Variants in RIMS1 observed in about 807,000 individuals in gnomAD.
RIMS1 encodes regulating synaptic membrane exocytosis 1, also known as regulating synaptic membrane exocytosis protein 1.
A neutral mutation model predicts 214.1 loss-of-function variants in RIMS1; 83 were observed. The ratio of observed to expected loss-of-function variants is 0.39; its 90% confidence interval spans 0.32 to 0.47. The LOEUF (loss-of-function observed/expected upper bound fraction) is 0.47, where lower values mean the gene tolerates loss of function less well. Among genes scored for constraint, RIMS1 ranks in the 20% least tolerant of loss-of-function variants. RIMS1 has a pLI of 0.99. For synonymous variants in RIMS1, 793 were observed against 786.8 expected (o/e 1.01, Z -0.13); for missense variants, 2,050 against 2,161.8 (o/e 0.95, Z 1.03).
chr6:71,913,784 C>T (rs1157367064), intron 1 of RIMS1, among the ~76,000 whole-genome samples: 2 of 152,056 alleles, frequency 1.3e-5, no homozygotes. Context: ...GAACCTAATG[C>T]CAGCACACTT....
intron 29 of RIMS1, among the ~76,000 whole-genome samples, chr6:72,339,041 A>G (rs1387697854): frequency 1.3e-5 from 2 of 151,866 alleles, no homozygotes; most frequent in African/African-American, 2.4e-5. Context: ...TCTCAAGGAT[A>G]TCACAGTATC....
At chr6:72,379,701 T>A (rs768737215) in intron 29 of RIMS1, among the ~76,000 whole-genome samples, 1 of 152,250 alleles carries the variant, frequency 6.6e-6, no homozygotes, top group Non-Finnish European at 1.5e-5. Context: ...TCTCGTTTAA[T>A]ACTCAACCCT....
intron 2 of RIMS1, among the ~76,000 whole-genome samples, chr6:72,069,107 G>A (rs1319850311): frequency 6.6e-6 from 1 of 152,144 alleles, no homozygotes; most frequent in Non-Finnish European, 1.5e-5. Flanking sequence ...GGTTGTAACA[G>A]CTAAGGAAGT....
intron 6 of RIMS1, among the ~76,000 whole-genome samples, chr6:72,195,703 T>G (rs935605916): frequency 2.0e-5 from 3 of 152,114 alleles, no homozygotes; most frequent in Non-Finnish European, 4.4e-5. Flanking sequence ...TTCAGCAGTA[T>G]AATGCATACT....
intron 4 of RIMS1, among the ~76,000 whole-genome samples, chr6:72,169,582 C>G (rs2046742775): frequency 6.6e-6 from 1 of 152,068 alleles, no homozygotes; most frequent in African/African-American, 2.4e-5. Context: ...ATTTTATTCT[C>G]AATCAACAAC....
chr6:72,196,763 G>A (rs1237202346), intron 6 of RIMS1, among the ~76,000 whole-genome samples: 1 of 151,686 alleles, frequency 6.6e-6, no homozygotes, highest in Non-Finnish European at 1.5e-5. Flanking sequence ...AGATGGAAAG[G>A]CGAATATAGC....
At chr6:72,375,291 C>A (rs1291156759) in intron 29 of RIMS1, among the ~76,000 whole-genome samples, 1 of 152,200 alleles carries the variant, frequency 6.6e-6, no homozygotes, top group Non-Finnish European at 1.5e-5. Context: ...ATTTTTATCT[C>A]TCTTCTTACA....
intron 8 of RIMS1, among the ~76,000 whole-genome samples, chr6:72,237,382 CA>C (rs1388412823): frequency 1.3e-5 from 2 of 151,994 alleles, no homozygotes; most frequent in Non-Finnish European, 2.9e-5. Context: ...CTACTTTAAT[CA>C]AAAATGTAGG....
intron 2 of RIMS1, among the ~76,000 whole-genome samples, chr6:72,066,755 A>T (rs1418652668): frequency 6.6e-6 from 1 of 152,162 alleles, no homozygotes; most frequent in Non-Finnish European, 1.5e-5. Flanking sequence ...TCATTCAAAT[A>T]TCTAATAGGC....
At chr6:72,091,564 G>A (rs1836237884) in intron 2 of RIMS1, among the ~76,000 whole-genome samples, 1 of 151,836 alleles carries the variant, frequency 6.6e-6, no homozygotes, top group African/African-American at 2.4e-5. Flanking sequence ...TAGTTTTTTA[G>A]GCATTCATCT....
At chr6:72,145,003 G>C (rs2042554415) in intron 4 of RIMS1, among the ~76,000 whole-genome samples, 1 of 151,706 alleles carries the variant, frequency 6.6e-6, no homozygotes, top group African/African-American at 2.4e-5. Flanking sequence ...TCCTGCCTCA[G>C]CCTCCTGAGT....
rs61651151 is a variant in RIMS1, at chr6:72,196,580, C to CTTTTTTTTTTTTTTTTTTTTTTTTTTTTT, written c.1678+13454_1678+13455insTTTTTTTTTTTTTTTTTTTTTTTTTTTTT. Among the ~76,000 whole-genome samples, 3 of 57,214 alleles carry CTTTTTTTTTTTTTTTTTTTTTTTTTTTTT rather than the reference C, an allele frequency of 5.2e-5. 1 individual carries two copies. Among genetic ancestry groups the CTTTTTTTTTTTTTTTTTTTTTTTTTTTTT allele is most frequent in the African/African-American group, 2.4e-4 (3 of 12,658 alleles). The allele number at this position is 57,214 out of a possible 152,430, so 37.5% of individuals were successfully genotyped here. A position where few individuals can be genotyped will look rare whatever the true frequency, so the allele number is the denominator to read the frequency against. The stretch of plus-strand genomic sequence containing the variant: ...AGTACTGTGCTGGCAGCCAGCTGCA[C>CTTTTTTTTTTTTTTTTTTTTTTTTTTTTT]TTTTTTTTTTTTTTTTTTTTTTTAC... On this transcript the variant is annotated intron_variant, in intron 6 of 33. Transcript: ENST00000521978.
At chr6:72,006,230 T>C (rs1252140521) in intron 2 of RIMS1, among the ~76,000 whole-genome samples, 3 of 152,190 alleles carry the variant, frequency 2.0e-5, no homozygotes, top group Non-Finnish European at 4.4e-5. Flanking sequence ...CTATTGGGGA[T>C]TAATATTTCA....
intron 4 of RIMS1, among the ~76,000 whole-genome samples, chr6:72,119,001 G>A (rs2037660788): frequency 6.6e-6 from 1 of 151,444 alleles, no homozygotes; most frequent in African/African-American, 2.4e-5. Flanking sequence ...AAGAAATAAA[G>A]GACATCCAAA....
At position 72,284,113 on chromosome 6, in the gene RIMS1, A is replaced by G. The variant is rs372755123; in HGVS notation, c.3549A>G (p.Ala1183=). The G allele has an allele frequency of 6.2e-7, 1 of 1,612,834 alleles. No homozygotes were observed. Among genetic ancestry groups the G allele is most frequent in the African/African-American group, 1.3e-5 (1 of 74,908 alleles). ...CTAGGAAAGGCACTGCCTCTGATGC[A>G]GAAAGGTAGGCTTGGTGTTGTGGTG... ...KQTRKGTASD[A]ERVLPTCLSR... The change falls in exon 24 of 34, where the codon GCA becomes GCG. Residue 1183 remains alanine (A), a synonymous_variant. Coordinates refer to ENST00000521978, the MANE Select transcript of RIMS1 (RefSeq NM_014989.7).
chr6:71,920,429 C>G (rs1162149238), intron 1 of RIMS1, among the ~76,000 whole-genome samples: 2 of 152,082 alleles, frequency 1.3e-5, no homozygotes, highest in African/African-American at 2.4e-5. Context: ...ATCTTTATAA[C>G]TTTTTCGTAA....
chr6:72,003,166 G>A (rs1223242430), intron 2 of RIMS1, among the ~76,000 whole-genome samples: 2 of 152,152 alleles, frequency 1.3e-5, no homozygotes, highest in Non-Finnish European at 2.9e-5. Context: ...GATAGGTTGG[G>A]TATAGAGGGA....
At chr6:72,300,358 C>A (rs1310010890) in intron 26 of RIMS1, among the ~76,000 whole-genome samples, 1 of 151,742 alleles carries the variant, frequency 6.6e-6, no homozygotes, top group Non-Finnish European at 1.5e-5. Flanking sequence ...TGTATTTTCT[C>A]TAAAGTTGTA....
intron 27 of RIMS1, 104 bp from the exon 28 acceptor site, chr6:72,313,402 G>A: frequency 1.1e-6 from 1 of 904,320 alleles, no homozygotes; most frequent in Non-Finnish European, 1.7e-6. Context: ...TCTTATGAAG[G>A]TACACCTTTA....
Sources: gnomAD v4.1 joint callset for allele counts (sites outside exome capture counted in the v4.1 genomes callset) on GRCh38, gnomAD v4.1.1 for gene constraint, MANE v1.5 for transcripts, NCBI Gene and HGNC (gene_info 2026-07-23, HGNC 2026-07-21) for gene names.